GRIK2: variants seen among roughly 807,000 people sequenced by gnomAD.
GRIK2 encodes the protein glutamate ionotropic receptor kainate type subunit 2.
Under a neutral mutation model 100.3 loss-of-function variants are expected in GRIK2, and 32 were observed. The ratio of observed to expected loss-of-function variants is 0.32; its 90% CI spans 0.24 to 0.43. GRIK2 has a LOEUF of 0.43. Among genes scored for constraint, GRIK2 ranks in the 20% least tolerant of loss-of-function variants. GRIK2 has a pLI of 1.00. For missense variants in GRIK2, 843 were observed against 1,114.9 expected (o/e 0.76, Z 3.47); for synonymous variants, 417 against 389.4 (o/e 1.07, Z -0.83).
At chr6:101,565,446 A>C (rs1777209814) in intron 2 of GRIK2, among the ~76,000 whole-genome samples, 1 of 152,136 alleles carries the variant, frequency 6.6e-6, no homozygotes, top group Non-Finnish European at 1.5e-5. Context: ...ATAATTCTAA[A>C]GATAAAGTGC....
chr6:101,435,197 C>T (rs1262345837), intron 2 of GRIK2, among the ~76,000 whole-genome samples: 1 of 152,034 alleles, frequency 6.6e-6, no homozygotes, highest in African/African-American at 2.4e-5. Flanking sequence ...AGCAGTGTGA[C>T]AATGTCTTGC....
At chr6:101,974,231 C>T (rs958268982) in intron 14 of GRIK2, among the ~76,000 whole-genome samples, 2 of 151,754 alleles carry the variant, frequency 1.3e-5, no homozygotes, top group Non-Finnish European at 1.5e-5. Context: ...AAAAAAAAGA[C>T]ATGCAAAATC....
intron 2 of GRIK2, among the ~76,000 whole-genome samples, chr6:101,597,233 G>T (rs2128308576): frequency 6.6e-6 from 1 of 151,768 alleles, no homozygotes; most frequent in Admixed American, 6.6e-5. Flanking sequence ...ATAGAGGGGA[G>T]GAGGAGGGAG....
chr6:101,781,727 A>G (rs1056650658), intron 7 of GRIK2, among the ~76,000 whole-genome samples: 3 of 152,118 alleles, frequency 2.0e-5, no homozygotes, highest in African/African-American at 7.2e-5. Context: ...GATTTATGCT[A>G]TCTTATCCTT....
chr6:101,921,045 A>T (rs1789459289), intron 12 of GRIK2, among the ~76,000 whole-genome samples: 1 of 152,068 alleles, frequency 6.6e-6, no homozygotes, highest in African/African-American at 2.4e-5. Context: ...CAATGGGAAT[A>T]AACAGAAAAT....
Position 101,791,730 on chromosome 6 carries a change from G to T in GRIK2, c.952-7918G>T, listed in dbSNP as rs530021250. Among the ~76,000 whole-genome samples the T allele has an allele frequency of 3.3e-5, 5 of 152,116 alleles. No homozygotes were observed. The East Asian group carries it at 9.7e-4, about 29-fold the overall frequency. On this transcript the variant is annotated intron_variant, in intron 7 of 16. Transcript: ENST00000369134. Reference sequence around the variant, plus strand: ...TGTAGATGGCTATTAGGTCCGCTTGGTGCAGAGCTGAGTTCAATTCCTGGG... The same window carrying T: ...TGTAGATGGCTATTAGGTCCGCTTGTTGCAGAGCTGAGTTCAATTCCTGGG...
At chr6:101,519,633 A>C (rs943891559) in intron 2 of GRIK2, among the ~76,000 whole-genome samples, 9 of 151,778 alleles carry the variant, frequency 5.9e-5, no homozygotes, top group African/African-American at 2.2e-4. Context: ...AGAAAGTGGG[A>C]TTTTTTTTCC....
At chr6:101,752,758 A>G (rs1420517136) in intron 7 of GRIK2, among the ~76,000 whole-genome samples, 2 of 152,216 alleles carry the variant, frequency 1.3e-5, no homozygotes, top group Admixed American at 1.3e-4. Context: ...ATATGTTGTA[A>G]CTGTAATAAA....
At chr6:102,064,817 C>T (rs1028850910) in intron 16 of GRIK2, among the ~76,000 whole-genome samples, 1 of 151,052 alleles carries the variant, frequency 6.6e-6, no homozygotes, top group Non-Finnish European at 1.5e-5. Context: ...TGTATATTTG[C>T]TCTAGTACCA....
At chr6:101,423,326 G>C (rs759028476) in intron 2 of GRIK2, among the ~76,000 whole-genome samples, 1 of 152,050 alleles carries the variant, frequency 6.6e-6, no homozygotes, top group Non-Finnish European at 1.5e-5. Context: ...CTTGTTCTTA[G>C]GTATACTTTA....
intron 2 of GRIK2, among the ~76,000 whole-genome samples, chr6:101,488,270 G>A (rs979518858): frequency 6.8e-6 from 1 of 146,616 alleles, no homozygotes; most frequent in African/African-American, 2.6e-5. Flanking sequence ...TCTAGTAGTA[G>A]AAGTATAACT....
At chr6:101,953,515 G>A (rs1367480447) in intron 14 of GRIK2, among the ~76,000 whole-genome samples, 1 of 152,162 alleles carries the variant, frequency 6.6e-6, no homozygotes, top group Non-Finnish European at 1.5e-5. Flanking sequence ...GATAGCTAAT[G>A]TGGTTGAGCA....
At chr6:101,594,410 T>G (rs1043078293) in intron 2 of GRIK2, among the ~76,000 whole-genome samples, 41 of 151,940 alleles carry the variant, frequency 2.7e-4, no homozygotes, top group Middle Eastern at 3.4e-3. Flanking sequence ...ATTTGATGGA[T>G]GTATTATATC....
At chr6:101,729,047 A>G (rs1311884919) in intron 7 of GRIK2, among the ~76,000 whole-genome samples, 1 of 152,068 alleles carries the variant, frequency 6.6e-6, no homozygotes, top group Non-Finnish European at 1.5e-5. Flanking sequence ...ACCACAGAAC[A>G]CTAAAGATGT....
intron 4 of GRIK2, among the ~76,000 whole-genome samples, chr6:101,634,136 A>T (rs962237231): frequency 2.0e-5 from 3 of 152,114 alleles, no homozygotes; most frequent in Non-Finnish European, 2.9e-5. Context: ...CACTGGAAGC[A>T]GGGGAATTCC....
chr6:101,929,174 G>C (rs1478651476), intron 14 of GRIK2, among the ~76,000 whole-genome samples: 1 of 152,148 alleles, frequency 6.6e-6, no homozygotes, highest in Non-Finnish European at 1.5e-5. Context: ...GTGGTTTCCA[G>C]AGAGACAGCC....
At chr6:101,943,945 C>T (rs1791113000) in intron 14 of GRIK2, among the ~76,000 whole-genome samples, 1 of 152,108 alleles carries the variant, frequency 6.6e-6, no homozygotes, top group Non-Finnish European at 1.5e-5. Flanking sequence ...ATTGGTTTGG[C>T]TCTGTGTCCC....
At position 101,732,441 on chromosome 6, in the gene GRIK2, T is replaced by A. The variant is rs1354613654; in HGVS notation, c.951+46088T>A. ...TTTCAAAAGAGAAAAGACTTGGTTG[T>A]TTTCTACTACTATTTTAAGGGTTAG... is the stretch of plus-strand genomic sequence containing the variant. On this transcript the variant is annotated intron_variant, in intron 7 of 16. Coordinates refer to ENST00000369134, the MANE Select transcript of GRIK2 (RefSeq NM_021956.5). Among the ~76,000 whole-genome samples the A allele has an allele frequency of 2.6e-5, 4 of 152,202 alleles. No individual in the cohort carries two copies. The South Asian group carries it at 8.3e-4, about 32-fold the overall frequency.
chr6:101,901,343 A>G (rs1225820244), intron 12 of GRIK2, among the ~76,000 whole-genome samples: 1 of 152,030 alleles, frequency 6.6e-6, no homozygotes, highest in Non-Finnish European at 1.5e-5. Context: ...TAGCCATTGT[A>G]TATTAAAAAA....
Sources: gnomAD v4.1 joint callset for allele counts (sites outside exome capture counted in the v4.1 genomes callset) on GRCh38, gnomAD v4.1.1 for gene constraint, MANE v1.5 for transcripts, NCBI Gene and HGNC (gene_info 2026-07-23, HGNC 2026-07-21) for gene names.